Variants in CIMAP3 observed in about 807,000 individuals in gnomAD.
The protein encoded by CIMAP3 is ciliary microtubule-associated protein 3.
the CIMAP3 span, among the ~76,000 whole-genome samples, chr1:111,345,576 G>T: frequency 6.6e-6 from 1 of 152,132 alleles, no homozygotes; most frequent in African/African-American, 2.4e-5. Context: ...CACCCTCTGG[G>T]AGTCACTGTC....
the CIMAP3 span, chr1:111,347,895 C>G: frequency 8.8e-6 from 6 of 681,128 alleles, no homozygotes; most frequent in Admixed American, 2.7e-5. Flanking sequence ...GAAAAGTAGG[C>G]ATTTAAGCAA....
chr1:111,332,243 G>A, the CIMAP3 span, among the ~76,000 whole-genome samples: 3 of 152,178 alleles, frequency 2.0e-5, no homozygotes, highest in African/African-American at 7.2e-5. Context: ...TTCTTGGTTG[G>A]TCTGAGGATG....
the CIMAP3 span, among the ~76,000 whole-genome samples, chr1:111,336,777 G>T: frequency 3.3e-5 from 5 of 152,156 alleles, no homozygotes; most frequent in African/African-American, 4.8e-5. Context: ...CACTCTGCAG[G>T]ATATTATCCA....
At chr1:111,325,475 C>G in the CIMAP3 span, among the ~76,000 whole-genome samples, 1 of 152,146 alleles carries the variant, frequency 6.6e-6, no homozygotes, top group Non-Finnish European at 1.5e-5. Context: ...TTTTCCTCCT[C>G]TCTTTCTCTC....
chr1:111,328,518 GA>G, the CIMAP3 span, among the ~76,000 whole-genome samples: 24 of 152,306 alleles, frequency 1.6e-4, no homozygotes, highest in African/African-American at 5.1e-4. Context: ...CTTGCTTTAT[GA>G]ATCTGTGTGC....
chr1:111,346,590 C>G, the CIMAP3 span: 3 of 1,608,616 alleles, frequency 1.9e-6, no homozygotes, highest in South Asian at 1.1e-5. Context: ...AGCTGGGAAT[C>G]ACGGGACTAG....
chr1:111,347,689 T>C, the CIMAP3 span: 1 of 1,608,592 alleles, frequency 6.2e-7, no homozygotes, highest in Non-Finnish European at 8.5e-7. Context: ...TGGCTTGGCA[T>C]ACGACTTATC....
chr1:111,347,847 G>T, the CIMAP3 span: 2 of 1,048,508 alleles, frequency 1.9e-6, no homozygotes, highest in Non-Finnish European at 2.9e-6. Flanking sequence ...CAGAGAGCAA[G>T]AGGGGGGTGA....
At chr1:111,338,835 T>A in the CIMAP3 span, among the ~76,000 whole-genome samples, 1 of 152,006 alleles carries the variant, frequency 6.6e-6, no homozygotes, top group African/African-American at 2.4e-5. Context: ...AAAGAGGGAA[T>A]CCTCCCTAAC....
At chr1:111,326,613 G>T in the CIMAP3 span, among the ~76,000 whole-genome samples, 1 of 151,984 alleles carries the variant, frequency 6.6e-6, no homozygotes, top group Non-Finnish European at 1.5e-5. Flanking sequence ...GTATCCCTTT[G>T]ATATACTGCT....
At chr1:111,347,068 T>G in the CIMAP3 span, 1 of 1,586,946 alleles carries the variant, frequency 6.3e-7, no homozygotes, top group East Asian at 2.3e-5. Flanking sequence ...TCACCTCCCC[T>G]TAGATGCTCC....
chr1:111,340,432 G>A, the CIMAP3 span, among the ~76,000 whole-genome samples: 1 of 152,032 alleles, frequency 6.6e-6, no homozygotes, highest in East Asian at 1.9e-4. Context: ...CCACAAAATT[G>A]GAGAAAATTT....
the CIMAP3 span, chr1:111,351,458 G>A: frequency 1.5e-6 from 1 of 662,476 alleles, no homozygotes; most frequent in Non-Finnish European, 2.5e-6. Context: ...AGGGACAGGG[G>A]CTTATAGCTG....
At chr1:111,335,408 T>A in the CIMAP3 span, among the ~76,000 whole-genome samples, 1 of 152,088 alleles carries the variant, frequency 6.6e-6, no homozygotes, top group Non-Finnish European at 1.5e-5. Flanking sequence ...ATTGCCTCAC[T>A]CAGGAAGTGC....
the CIMAP3 span, chr1:111,348,981 A>G: frequency 5.2e-6 from 1 of 193,728 alleles, no homozygotes; most frequent in East Asian, 1.5e-4. Flanking sequence ...GAAAATATCA[A>G]TAGTGATAGA....
At chr1:111,327,933 T>C in the CIMAP3 span, among the ~76,000 whole-genome samples, 1 of 152,164 alleles carries the variant, frequency 6.6e-6, no homozygotes, top group Non-Finnish European at 1.5e-5. Context: ...TTCTTTTAGT[T>C]GTGAAGTTAG....
the CIMAP3 span, among the ~76,000 whole-genome samples, chr1:111,332,010 G>A: frequency 6.6e-6 from 1 of 152,192 alleles, no homozygotes; most frequent in African/African-American, 2.4e-5. Flanking sequence ...CTTAGGCTGA[G>A]AGAATTGGTG....
At chr1:111,346,839 T>G in the CIMAP3 span, 1 of 1,588,492 alleles carries the variant, frequency 6.3e-7, no homozygotes, top group African/African-American at 1.3e-5. Flanking sequence ...TCCCCGACCT[T>G]CCCCTCCCGG....
At chr1:111,342,035 G>A in the CIMAP3 span, among the ~76,000 whole-genome samples, 1,219 of 152,136 alleles carry the variant, frequency 8.0e-3, 17 homozygotes, top group African/African-American at 0.027. Context: ...AAAACTTTCC[G>A]AAACTTGAGA....
Sources: gnomAD v4.1 joint callset for allele counts (sites outside exome capture counted in the v4.1 genomes callset) on GRCh38, gnomAD v4.1.1 for gene constraint, MANE v1.5 for transcripts, NCBI Gene and HGNC (gene_info 2026-07-23, HGNC 2026-07-21) for gene names.